PGAP1: variants seen among roughly 807,000 people sequenced by gnomAD.
PGAP1 encodes the protein GPI inositol-deacylase.
In PGAP1, 76 loss-of-function variants were observed where a neutral mutation model predicts 127.0. The ratio of observed to expected loss-of-function variants is 0.60; its 90% CI spans 0.50 to 0.72. PGAP1 has a LOEUF of 0.72. PGAP1 is among the 30% of genes least tolerant of loss of function. The pLI, the probability that PGAP1 is intolerant of heterozygous loss-of-function variation, is 0.00. For missense variants in PGAP1, 982 were observed against 1,071.3 expected (o/e 0.92, Z 1.16); for synonymous variants, 362 against 366.5 (o/e 0.99, Z 0.14).
At position 196,912,970 on chromosome 2, in the gene PGAP1, T is replaced by C. The variant is rs531868439; in HGVS notation, c.561A>G (p.Lys187=). 5 of 1,613,880 alleles carry C rather than the reference T, an allele frequency of 3.1e-6. No individual in the cohort carries two copies. In the East Asian group the frequency reaches 6.7e-5, roughly 22 times the overall value. ...GLVARALLTL[K]NFKHDLINLL... ...GATTTATCAGATCATGCTTAAAATT[T>C]TTCAGTGTAAGCAATGCTCTTGCAA... Residue 187 remains lysine (K), a synonymous_variant, in exon 4 of 27, where the codon AAA becomes AAG. Transcript: ENST00000354764.
chr2:196,911,714 A>G (rs559559586), intron 4 of PGAP1, among the ~76,000 whole-genome samples: 5 of 151,738 alleles, frequency 3.3e-5, no homozygotes, highest in South Asian at 2.1e-4. Flanking sequence ...AAAGATTTTC[A>G]TCTACTCATA....
At chr2:196,889,875 A>G (rs944549530) in intron 10 of PGAP1, among the ~76,000 whole-genome samples, 7 of 151,674 alleles carry the variant, frequency 4.6e-5, no homozygotes, top group African/African-American at 1.2e-4. Context: ...AAAAAAAAAA[A>G]AAAGAAAAAA....
chr2:196,842,501 T>C (rs1700442299), intron 26 of PGAP1, among the ~76,000 whole-genome samples: 1 of 152,078 alleles, frequency 6.6e-6, no homozygotes, highest in Non-Finnish European at 1.5e-5. Flanking sequence ...ATCATGTCTT[T>C]ATAGGGTTAA....
At chr2:196,893,778 A>G (rs1702179067) in intron 7 of PGAP1, among the ~76,000 whole-genome samples, 1 of 152,140 alleles carries the variant, frequency 6.6e-6, no homozygotes, top group African/African-American at 2.4e-5. Context: ...CTATCCTTCT[A>G]CCTGTTTTTT....
intron 1 of PGAP1, among the ~76,000 whole-genome samples, chr2:196,922,972 G>A (rs989520916): frequency 6.6e-6 from 1 of 151,884 alleles, no homozygotes. Context: ...TTACAGGTGT[G>A]AGCCACCTCA....
Position 196,885,817 on chromosome 2 carries a change from G to A in PGAP1, c.1220+17C>T. 2 of 1,389,402 alleles carry A rather than the reference G, an allele frequency of 1.4e-6. No homozygotes were observed. The highest frequency in any genetic ancestry group is 2.0e-5 in the South Asian group (1 of 48,896). The allele number at this position is 1,389,402 out of a possible 1,614,324, so 86.1% of individuals were successfully genotyped here. A position where few individuals can be genotyped will look rare whatever the true frequency, so the allele number is the denominator to read the frequency against. ...TGTTTATGTTGAGATAAATGAACAT[G>A]CATTCAAAAGACTTACCACATAGAA... On this transcript the variant is annotated intron_variant, in intron 11 of 26. Coordinates refer to ENST00000354764, the MANE Select transcript of PGAP1 (RefSeq NM_024989.4).
In PGAP1 at chr2:196,893,259, T is replaced by A; in HGVS notation, c.928-14A>T. 1 of 1,330,714 alleles carries A rather than the reference T, an allele frequency of 7.5e-7. No individual in the cohort carries two copies. 82.4% of individuals were successfully genotyped at this position (1,330,714 alleles called of 1,614,324 possible). A position where few individuals can be genotyped will look rare whatever the true frequency, so the allele number is the denominator to read the frequency against. On this transcript the variant is annotated splice_polypyrimidine_tract_variant and intron_variant, in intron 7 of 26. Coordinates refer to ENST00000354764, the MANE Select transcript of PGAP1 (RefSeq NM_024989.4). The stretch of plus-strand genomic sequence containing the variant: ...ATTTTGAGTTATCTAGAAAGAACAT[T>A]GATACATTCTGTATCATTTTGTATC...
At chr2:196,892,725 A>G (rs1034697571) in intron 8 of PGAP1, among the ~76,000 whole-genome samples, 5 of 152,116 alleles carry the variant, frequency 3.3e-5, no homozygotes, top group African/African-American at 9.6e-5. Flanking sequence ...TAAATAGACA[A>G]AGCAAGTTAT....
intron 20 of PGAP1, among the ~76,000 whole-genome samples, chr2:196,853,705 CTG>C (rs893496818): frequency 6.6e-6 from 1 of 152,214 alleles, no homozygotes; most frequent in African/African-American, 2.4e-5. Context: ...GGATAATTTC[CTG>C]TGTTAATCTT....
At chr2:196,863,970 G>C (rs1701154196) in intron 20 of PGAP1, among the ~76,000 whole-genome samples, 1 of 152,192 alleles carries the variant, frequency 6.6e-6, no homozygotes, top group Non-Finnish European at 1.5e-5. Flanking sequence ...TGCTTGAGTT[G>C]ATGGATATCC....
chr2:196,894,474 T>A (rs545413733), intron 7 of PGAP1, among the ~76,000 whole-genome samples: 10 of 152,292 alleles, frequency 6.6e-5, no homozygotes, highest in African/African-American at 1.2e-4. Context: ...AGGGGCCACA[T>A]CTGTTTGCAA....
At position 196,838,207 on chromosome 2, in the gene PGAP1, G is replaced by C. The variant is rs1037142050; in HGVS notation, c.*3027C>G. Reference sequence around the variant, plus strand: ...ATCAACAATAGGGTCTAGGAGTTAAGCACAAAACTTACTCATAACTCAATT... The same window carrying C: ...ATCAACAATAGGGTCTAGGAGTTAACCACAAAACTTACTCATAACTCAATT... On this transcript the variant is annotated 3_prime_UTR_variant, in exon 27 of 27. Coordinates refer to ENST00000354764, the MANE Select transcript of PGAP1 (RefSeq NM_024989.4). 6.6e-6 allele frequency: 1 copy of C among 152,172 alleles called. No homozygotes were observed. Among genetic ancestry groups the C allele is most frequent in the Non-Finnish European group, 1.5e-5 (1 of 68,020 alleles). The allele number at this position is 152,172 out of a possible 1,614,324, so 9.4% of individuals were successfully genotyped here. A position where few individuals can be genotyped will look rare whatever the true frequency, so the allele number is the denominator to read the frequency against.
In PGAP1 at chr2:196,838,562, G is replaced by C. The variant is rs1296482386; in HGVS notation, c.*2672C>G. 1.3e-5 allele frequency: 2 copies of C among 152,114 alleles called. No homozygotes were observed. Among genetic ancestry groups the C allele is most frequent in the Non-Finnish European group, 2.9e-5 (2 of 68,024 alleles). 9.4% of individuals were successfully genotyped at this position (152,114 alleles called of 1,614,324 possible). A position where few individuals can be genotyped will look rare whatever the true frequency, so the allele number is the denominator to read the frequency against. On this transcript the variant is annotated 3_prime_UTR_variant, in exon 27 of 27. Transcript: ENST00000354764. ...AATGTAAGTGTATACATATGTGTCT[G>C]TATATATACACATATAATGGCTAAA...
At chr2:196,849,830 C>T (rs1047563839) in intron 20 of PGAP1, among the ~76,000 whole-genome samples, 2 of 152,076 alleles carry the variant, frequency 1.3e-5, no homozygotes, top group Admixed American at 1.3e-4. Flanking sequence ...CCAAGCCCAA[C>T]GAAACAAAGT....
In PGAP1 at chr2:196,840,163, G is replaced by A. The variant is rs570617714; in HGVS notation, c.*1071C>T. The A allele has an allele frequency of 6.6e-6, 1 of 152,276 alleles. No individual in the cohort carries two copies. The highest frequency in any genetic ancestry group is 2.4e-5 in the African/African-American group (1 of 41,556). 9.4% of individuals were successfully genotyped at this position (152,276 alleles called of 1,614,324 possible). On this transcript the variant is annotated 3_prime_UTR_variant, in exon 27 of 27. Transcript: ENST00000354764. The stretch of plus-strand genomic sequence containing the variant: ...AATCAAGATTCCACTGTTAAACCTA[G>A]TGGCTAATGTCTCCAATTTATTCAG...
intron 2 of PGAP1, among the ~76,000 whole-genome samples, chr2:196,916,866 G>C (rs2125837737): frequency 6.6e-6 from 1 of 152,234 alleles, no homozygotes; most frequent in South Asian, 2.1e-4. Context: ...TTTGGTAGGA[G>C]CAACAATAGC....
rs1700365439 is a variant in PGAP1 at position 196,840,106 on chromosome 2, G to T, written c.*1128C>A. The T allele has an allele frequency of 6.6e-6, 1 of 152,234 alleles. No individual in the cohort carries two copies. Among genetic ancestry groups the T allele is most frequent in the Non-Finnish European group, 1.5e-5 (1 of 68,010 alleles). 9.4% of individuals were successfully genotyped at this position (152,234 alleles called of 1,614,324 possible). ...ATGAAATAAAATGTTACTCTTATTT[G>T]TCAAACAGTAATCCCAGAAGTCACC... On this transcript the variant is annotated 3_prime_UTR_variant, in exon 27 of 27. Coordinates refer to ENST00000354764, the MANE Select transcript of PGAP1 (RefSeq NM_024989.4).
chr2:196,886,426 G>T (rs2125813073), intron 10 of PGAP1, among the ~76,000 whole-genome samples: 1 of 152,116 alleles, frequency 6.6e-6, no homozygotes, highest in East Asian at 1.9e-4. Flanking sequence ...CTTCCAAAGT[G>T]CTGGGATTAT....
chr2:196,859,723 A>G (rs1700999912), intron 20 of PGAP1, among the ~76,000 whole-genome samples: 1 of 152,226 alleles, frequency 6.6e-6, no homozygotes, highest in Non-Finnish European at 1.5e-5. Context: ...ATACAAATCA[A>G]TCAATATGAT....
Sources: allele counts gnomAD v4.1 joint callset (sites outside exome capture counted in the v4.1 genomes callset), GRCh38; gene constraint gnomAD v4.1.1; transcripts MANE v1.5; gene names NCBI Gene and HGNC (gene_info 2026-07-23, HGNC 2026-07-21).